DLG2: variants seen among roughly 807,000 people sequenced by gnomAD.
DLG2 encodes the protein disks large homolog 2.
Under a neutral mutation model 132.5 loss-of-function variants are expected in DLG2, and 45 were observed. The observed-to-expected ratio is 0.34, with a 90% CI of 0.27 to 0.44. The LOEUF is 0.44. DLG2 is among the 20% of genes least tolerant of loss of function. DLG2 has a pLI of 1.00. For missense variants in DLG2, 1,045 were observed against 1,196.9 expected (o/e 0.87, Z 1.87); for synonymous variants, 424 against 419.6 (o/e 1.01, Z -0.13).
chr11:85,470,429 A>G (rs2092947804), intron 3 of DLG2, among the ~76,000 whole-genome samples: 1 of 152,172 alleles, frequency 6.6e-6, no homozygotes, highest in South Asian at 2.1e-4. Context: ...TAGTGAGTAA[A>G]TTAATATTTT....
At chr11:83,644,943 G>A (rs1401406960) in intron 18 of DLG2, among the ~76,000 whole-genome samples, 2 of 151,898 alleles carry the variant, frequency 1.3e-5, no homozygotes, top group African/African-American at 4.8e-5. Flanking sequence ...GCCATTGAGT[G>A]TTTTTTTAAG....
chr11:85,455,791 T>C (rs969112978), intron 3 of DLG2, among the ~76,000 whole-genome samples: 1 of 152,198 alleles, frequency 6.6e-6, no homozygotes, highest in African/African-American at 2.4e-5. Flanking sequence ...ATGTGGTTTT[T>C]GTTTTTAAGT....
At chr11:84,280,744 C>T (rs2097845696) in intron 7 of DLG2, among the ~76,000 whole-genome samples, 1 of 151,794 alleles carries the variant, frequency 6.6e-6, no homozygotes, top group Non-Finnish European at 1.5e-5. Flanking sequence ...GTCGCCCAGG[C>T]TGGAGTGCAG....
At chr11:85,136,792 T>A (rs548581311) in intron 5 of DLG2, among the ~76,000 whole-genome samples, 42 of 152,292 alleles carry the variant, frequency 2.8e-4, no homozygotes, top group African/African-American at 9.9e-4. Context: ...TATTCTAGAA[T>A]CTAAGCCCCT....
chr11:84,005,818 A>G (rs1049550899), intron 11 of DLG2, among the ~76,000 whole-genome samples: 2 of 151,930 alleles, frequency 1.3e-5, no homozygotes, highest in Non-Finnish European at 2.9e-5. Context: ...AAGACAAAAA[A>G]TAACGGACGC....
chr11:83,694,336 C>T (rs1566568994), intron 18 of DLG2, among the ~76,000 whole-genome samples: 1 of 152,090 alleles, frequency 6.6e-6, no homozygotes, highest in Non-Finnish European at 1.5e-5. Flanking sequence ...ATATTAAGTG[C>T]CTAAGAGAAT....
chr11:84,362,773 T>C (rs2098657412), intron 7 of DLG2, among the ~76,000 whole-genome samples: 1 of 152,046 alleles, frequency 6.6e-6, no homozygotes, highest in Admixed American at 6.6e-5. Context: ...GGTTTTTTGT[T>C]CTTGCGATAG....
chr11:84,170,463 A>G (rs1387762889), intron 8 of DLG2, among the ~76,000 whole-genome samples: 1 of 152,202 alleles, frequency 6.6e-6, no homozygotes, highest in Non-Finnish European at 1.5e-5. Flanking sequence ...AACATGTAAC[A>G]AAGCGATAGG....
chr11:85,135,554 G>A (rs1289178662), intron 5 of DLG2, among the ~76,000 whole-genome samples: 1 of 152,190 alleles, frequency 6.6e-6, no homozygotes, highest in East Asian at 1.9e-4. Context: ...GATCACAGAG[G>A]AAAGCACTTT....
intron 3 of DLG2, among the ~76,000 whole-genome samples, chr11:85,300,088 C>T (rs1044922209): frequency 6.6e-6 from 1 of 151,976 alleles, no homozygotes; most frequent in African/African-American, 2.4e-5. Context: ...GTGCCTTGTA[C>T]TGATAGAGCA....
At chr11:85,501,520 T>C (rs2093803164) in intron 3 of DLG2, among the ~76,000 whole-genome samples, 1 of 152,112 alleles carries the variant, frequency 6.6e-6, no homozygotes, top group African/African-American at 2.4e-5. Context: ...AATCTATCCA[T>C]CTGACAAAGG....
chr11:84,423,357 G>A (rs1238246752), intron 7 of DLG2, among the ~76,000 whole-genome samples: 6 of 151,944 alleles, frequency 3.9e-5, no homozygotes, highest in East Asian at 1.9e-4. Context: ...TTAATAGTTC[G>A]ACTTAAATTC....
At chr11:84,489,532 G>A (rs2099159242) in intron 7 of DLG2, among the ~76,000 whole-genome samples, 1 of 152,006 alleles carries the variant, frequency 6.6e-6, no homozygotes, top group African/African-American at 2.4e-5. Flanking sequence ...CCTTCCCATT[G>A]ATATACCATG....
intron 6 of DLG2, among the ~76,000 whole-genome samples, chr11:84,563,098 C>T (rs959879630): frequency 1.3e-5 from 2 of 152,212 alleles, no homozygotes; most frequent in Admixed American, 6.5e-5. Context: ...TACTAAAATC[C>T]ATTCATATTG....
At chr11:84,609,670 C>A (rs1266155434) in intron 6 of DLG2, among the ~76,000 whole-genome samples, 2 of 152,080 alleles carry the variant, frequency 1.3e-5, no homozygotes, top group Admixed American at 1.3e-4. Context: ...CCTTTGATTA[C>A]TGATAATTTG....
At chr11:83,518,835 GATAA>G (rs1039276549) in intron 21 of DLG2, among the ~76,000 whole-genome samples, 2 of 152,060 alleles carry the variant, frequency 1.3e-5, no homozygotes, top group African/African-American at 2.4e-5. Flanking sequence ...GAGAATTAAC[GATAA>G]ATAAATAAAA....
intron 6 of DLG2, among the ~76,000 whole-genome samples, chr11:84,836,650 ACAGGCAAAGTATACAGAAAC>A (rs2079824367): frequency 1.3e-5 from 2 of 151,988 alleles, no homozygotes; most frequent in Admixed American, 6.6e-5. Context: ...CAAGGATCTT[ACAGGCAAAGTATACAGAAAC>A]CTGCCTCACC....
intron 21 of DLG2, among the ~76,000 whole-genome samples, chr11:83,523,017 C>T (rs1191294083): frequency 6.6e-6 from 1 of 152,084 alleles, no homozygotes; most frequent in African/African-American, 2.4e-5. Context: ...GCAATAATTA[C>T]CATAGTGAGC....
chr11:84,466,451 G>A (rs533604718), intron 7 of DLG2, among the ~76,000 whole-genome samples: 8 of 151,204 alleles, frequency 5.3e-5, no homozygotes, highest in Non-Finnish European at 5.9e-5. Flanking sequence ...CAAGAAAACC[G>A]CTAAAAGCCC....
Sources: gnomAD v4.1 joint callset for allele counts (sites outside exome capture counted in the v4.1 genomes callset) on GRCh38, gnomAD v4.1.1 for gene constraint, MANE v1.5 for transcripts, NCBI Gene and HGNC (gene_info 2026-07-23, HGNC 2026-07-21) for gene names.